The following RASSF8 variants were observed in gnomAD, a reference collection of about 807,000 sequenced individuals.
The protein encoded by RASSF8 is Ras association domain family member 8.
RASSF8 carries 22 observed loss-of-function variants against 48.5 expected under a neutral mutation model. That is an observed-to-expected ratio of 0.45 (90% CI 0.32 to 0.65). The LOEUF is 0.65. RASSF8 is among the 30% of genes least tolerant of loss of function. The pLI is 0.03. For synonymous variants in RASSF8, 127 were observed against 171.5 expected (o/e 0.74, Z 2.03); for missense variants, 418 against 489.2 (o/e 0.85, Z 1.37).
chr12:26,023,741 C>T (rs1455070183), intron 2 of RASSF8, among the ~76,000 whole-genome samples: 1 of 151,604 alleles, frequency 6.6e-6, no homozygotes, highest in Non-Finnish European at 1.5e-5. Flanking sequence ...TGTGTTTGTT[C>T]TTTTTTTATT....
rs746592311 is a variant in RASSF8, at chr12:26,064,626, C to T, written c.232C>T (p.Arg78Ter). ...QYASDVQLIL[R>*]RTGPSLSERP... ...TGCTAGTGATGTGCAGCTCATTCTACGACGAACTGGGCCGTCTCTCAGTGA... is the reference window on the plus strand; with the variant it reads ...TGCTAGTGATGTGCAGCTCATTCTATGACGAACTGGGCCGTCTCTCAGTGA... Residue 78 changes from arginine to a stop codon, truncating the protein, a stop_gained, in exon 4 of 6, where the codon CGA becomes TGA. Transcript: ENST00000689635. LOFTEE classifies it high-confidence loss of function. 5 of 1,614,146 alleles carry T rather than the reference C, an allele frequency of 3.1e-6. No individual in the cohort carries two copies. The highest frequency in any genetic ancestry group is 2.2e-5 in the East Asian group (1 of 44,884).
At chr12:26,038,005 C>T (rs1403191724) in intron 2 of RASSF8, among the ~76,000 whole-genome samples, 6 of 152,204 alleles carry the variant, frequency 3.9e-5, no homozygotes, top group Admixed American at 3.9e-4. Context: ...TGTGTATTTG[C>T]ACGGCATCCC....
intron 1 of RASSF8, among the ~76,000 whole-genome samples, chr12:25,964,012 G>T (rs1175444173): frequency 6.6e-6 from 1 of 152,204 alleles, no homozygotes; most frequent in Non-Finnish European, 1.5e-5. Context: ...TTTTAAAAAT[G>T]TTGAGAGCAA....
chr12:25,965,644 C>T (rs1941343872), intron 1 of RASSF8, among the ~76,000 whole-genome samples: 1 of 152,166 alleles, frequency 6.6e-6, no homozygotes, highest in Non-Finnish European at 1.5e-5. Context: ...GCGAGAGCCA[C>T]CATGCCCACC....
At chr12:25,989,596 T>A (rs1447284486) in intron 1 of RASSF8, among the ~76,000 whole-genome samples, 1 of 152,074 alleles carries the variant, frequency 6.6e-6, no homozygotes, top group Non-Finnish European at 1.5e-5. Flanking sequence ...TTTTCCAAAC[T>A]GGTTTAAACA....
exon 6 of RASSF8, chr12:26,079,064 T>C: frequency 2.7e-5 from 42 of 1,545,824 alleles, no homozygotes; most frequent in Non-Finnish European, 3.6e-5. Context: ...AGCAGGAGTG[T>C]AAAGATTAGA....
At chr12:26,050,372 A>T (rs74071665) in intron 2 of RASSF8, among the ~76,000 whole-genome samples, 1 of 152,196 alleles carries the variant, frequency 6.6e-6, no homozygotes, top group Non-Finnish European at 1.5e-5. Flanking sequence ...TAGAACTTTC[A>T]CTTCTGTCCC....
intron 2 of RASSF8, among the ~76,000 whole-genome samples, chr12:26,030,609 A>G (rs993849052): frequency 2.6e-5 from 4 of 152,094 alleles, no homozygotes; most frequent in East Asian, 1.9e-4. Flanking sequence ...AGAAATTCCC[A>G]CTTAGAAATA....
Position 25,995,750 on chromosome 12 carries a change from G to A in RASSF8, c.-109+620G>A, listed in dbSNP as rs189410577. Among the ~76,000 whole-genome samples, 36 of 152,216 alleles carry A rather than the reference G, an allele frequency of 2.4e-4. No individual in the cohort carries two copies. In the East Asian group the frequency reaches 6.0e-3, roughly 25 times the overall value. ...CTGTATATCATCTCTTGTCTCTTGA[G>A]CATTTAAATGACTTATTCGTCCCAG... On this transcript the variant is annotated intron_variant, in intron 2 of 5. Coordinates refer to ENST00000689635, the MANE Select transcript of RASSF8 (RefSeq NM_001394098.1).
chr12:25,959,368 C>G (rs1425527583), intron 1 of RASSF8: 3 of 152,346 alleles, frequency 2.0e-5, no homozygotes, highest in African/African-American at 4.8e-5. Context: ...TCGCGGCACA[C>G]AAGCCGCGGA....
chr12:26,023,673 C>CA (rs1471233093), intron 2 of RASSF8, among the ~76,000 whole-genome samples: 7 of 148,994 alleles, frequency 4.7e-5, no homozygotes, highest in African/African-American at 9.9e-5. Context: ...ACAAAAAAAA[C>CA]AAAAAACAAA....
At chr12:25,990,938 T>G (rs1942000625) in intron 1 of RASSF8, among the ~76,000 whole-genome samples, 1 of 152,216 alleles carries the variant, frequency 6.6e-6, no homozygotes, top group Non-Finnish European at 1.5e-5. Flanking sequence ...GAAAACATTT[T>G]GGGGATCTTG....
At chr12:26,032,507 A>T (rs1323799944) in intron 2 of RASSF8, among the ~76,000 whole-genome samples, 1 of 152,258 alleles carries the variant, frequency 6.6e-6, no homozygotes, top group African/African-American at 2.4e-5. Flanking sequence ...GTGACATGTG[A>T]ATTTTTAGGA....
At chr12:26,047,324 A>T (rs970622777) in intron 2 of RASSF8, among the ~76,000 whole-genome samples, 18 of 152,234 alleles carry the variant, frequency 1.2e-4, no homozygotes, top group Non-Finnish European at 2.5e-4. Flanking sequence ...AATTAGCAAG[A>T]ACAGACCACA....
At chr12:26,042,714 T>A (rs911444225) in intron 2 of RASSF8, among the ~76,000 whole-genome samples, 3 of 152,210 alleles carry the variant, frequency 2.0e-5, no homozygotes, top group African/African-American at 7.2e-5. Flanking sequence ...TGAGCATTTT[T>A]AAAATATTTA....
At chr12:26,032,630 T>C (rs1592288188) in intron 2 of RASSF8, among the ~76,000 whole-genome samples, 1 of 152,164 alleles carries the variant, frequency 6.6e-6, no homozygotes, top group Admixed American at 6.6e-5. Context: ...ATTTATAGCT[T>C]AAGGGAGTTT....
chr12:26,035,971 A>G (rs1943142795), intron 2 of RASSF8, among the ~76,000 whole-genome samples: 1 of 147,032 alleles, frequency 6.8e-6, no homozygotes, highest in South Asian at 2.1e-4. Flanking sequence ...TTTATAATTT[A>G]TATATATATA....
Position 26,072,639 on chromosome 12 carries a change from G to T in RASSF8, c.*3821G>T. 3 of 985,102 alleles carry T rather than the reference G, an allele frequency of 3.0e-6. No individual in the cohort carries two copies. The highest frequency in any genetic ancestry group is 3.6e-6 in the Non-Finnish European group (3 of 829,688). 61.0% of individuals were successfully genotyped at this position (985,102 alleles called of 1,614,324 possible). A position where few individuals can be genotyped will look rare whatever the true frequency, so the allele number is the denominator to read the frequency against. ...TATTGACCCTAGGAGGATTTGAGTT[G>T]CTGCAGCTTTAAACAGAAAATTGCC... On this transcript the variant is annotated 3_prime_UTR_variant, in exon 6 of 6. Coordinates refer to ENST00000689635, the MANE Select transcript of RASSF8 (RefSeq NM_001394098.1).
chr12:25,975,002 A>G (rs774084930), intron 1 of RASSF8, among the ~76,000 whole-genome samples: 16 of 152,162 alleles, frequency 1.1e-4, no homozygotes, highest in Non-Finnish European at 2.1e-4. Context: ...TTAAACAAAT[A>G]ATTTGTGAAG....
Sources: gnomAD v4.1 joint callset for allele counts (sites outside exome capture counted in the v4.1 genomes callset) on GRCh38, gnomAD v4.1.1 for gene constraint, MANE v1.5 for transcripts, NCBI Gene and HGNC (gene_info 2026-07-23, HGNC 2026-07-21) for gene names.